NCOA1: variants seen among roughly 807,000 people sequenced by gnomAD.
NCOA1 encodes Hin-2 protein.
Under a neutral mutation model 150.9 loss-of-function variants are expected in NCOA1, and 35 were observed. The ratio of observed to expected loss-of-function variants is 0.23; its 90% CI spans 0.18 to 0.31. The LOEUF (loss-of-function observed/expected upper bound fraction) is 0.31, where lower values mean the gene tolerates loss of function less well. NCOA1 is among the 10% of genes least tolerant of loss of function. NCOA1 has a pLI of 1.00. For synonymous variants in NCOA1, 590 were observed against 630.0 expected, an observed-to-expected ratio of 0.94 and a Z score of 0.95; for missense variants, 1,491 against 1,749.3, an observed-to-expected ratio of 0.85 and a Z score of 2.63.
intron 1 of NCOA1, among the ~76,000 whole-genome samples, chr2:24,512,746 C>A (rs1402934696): frequency 6.6e-6 from 1 of 152,180 alleles, no homozygotes; most frequent in East Asian, 1.9e-4. Flanking sequence ...TGAAACCCCT[C>A]TCTAACAAGA....
chr2:24,492,248 T>A (rs1041605313), intron 1 of NCOA1: 13 of 152,152 alleles, frequency 8.5e-5, no homozygotes, highest in African/African-American at 3.1e-4. Flanking sequence ...GTCCCCTTCC[T>A]GGGATTCAGC....
At chr2:24,689,565 T>A (rs1037369055) in intron 8 of NCOA1, among the ~76,000 whole-genome samples, 1 of 152,102 alleles carries the variant, frequency 6.6e-6, no homozygotes, top group Non-Finnish European at 1.5e-5. Flanking sequence ...GCTAATTTTC[T>A]GTAATTTTAG....
At chr2:24,530,515 A>G (rs1177924366) in intron 1 of NCOA1, among the ~76,000 whole-genome samples, 4 of 152,134 alleles carry the variant, frequency 2.6e-5, no homozygotes, top group Non-Finnish European at 5.9e-5. Context: ...TTTTCTGCCG[A>G]GGACAAGTAT....
chr2:24,583,640 C>G (rs1192389495), intron 2 of NCOA1, among the ~76,000 whole-genome samples: 2 of 152,018 alleles, frequency 1.3e-5, no homozygotes, highest in African/African-American at 4.8e-5. Flanking sequence ...CGGAATCAAC[C>G]TAAATATCTA....
At chr2:24,747,546 CT>C (rs563708454) in intron 19 of NCOA1, among the ~76,000 whole-genome samples, 117 of 152,008 alleles carry the variant, frequency 7.7e-4, no homozygotes, top group African/African-American at 2.7e-3. Flanking sequence ...CCAGGCTGGT[CT>C]CAAACTCCTG....
chr2:24,686,778 C>G (rs183907431), intron 8 of NCOA1, among the ~76,000 whole-genome samples: 97 of 152,186 alleles, frequency 6.4e-4, no homozygotes, highest in Non-Finnish European at 1.5e-4. Context: ...CTAGAAAGAT[C>G]ACCTAAAATA....
intron 1 of NCOA1, among the ~76,000 whole-genome samples, chr2:24,511,971 T>G (rs1193252315): frequency 6.6e-6 from 1 of 152,228 alleles, no homozygotes; most frequent in East Asian, 1.9e-4. Flanking sequence ...CACTTTCAGT[T>G]TCCACCTTGC....
intron 2 of NCOA1, among the ~76,000 whole-genome samples, chr2:24,569,551 A>ATTT (rs1475942672): frequency 1.3e-5 from 1 of 75,700 alleles, no homozygotes; most frequent in Admixed American, 2.0e-4. Flanking sequence ...TGGTTTTATT[A>ATTT]ATTTTTTTTT....
At chr2:24,694,566 A>G (rs1406043469) in intron 10 of NCOA1, among the ~76,000 whole-genome samples, 2 of 152,142 alleles carry the variant, frequency 1.3e-5, no homozygotes, top group African/African-American at 2.4e-5. Flanking sequence ...TAAACTTCCA[A>G]CTGCTCTTAC....
Position 24,678,261 on chromosome 2 carries a change from A to G in NCOA1, c.355-4690A>G, listed in dbSNP as rs996060211. Among the ~76,000 whole-genome samples, 3 of 152,164 alleles carry G rather than the reference A, an allele frequency of 2.0e-5. No homozygotes were observed. In the East Asian group the frequency reaches 5.8e-4, roughly 29 times the overall value. Reference sequence around the variant, plus strand: ...ACATAGTATTCCATGGTGTATATGTACCACATTTTCTTTATCCAGTCTATC... The same window carrying G: ...ACATAGTATTCCATGGTGTATATGTGCCACATTTTCTTTATCCAGTCTATC... On this transcript the variant is annotated intron_variant, in intron 7 of 22. Transcript: ENST00000348332.
At chr2:24,578,961 A>G (rs998360748) in intron 2 of NCOA1, among the ~76,000 whole-genome samples, 20 of 152,324 alleles carry the variant, frequency 1.3e-4, no homozygotes, top group Non-Finnish European at 2.8e-4. Context: ...CACTGTGACA[A>G]CTGGGACTGT....
intron 4 of NCOA1, among the ~76,000 whole-genome samples, chr2:24,648,974 G>C (rs959344797): frequency 4.6e-5 from 7 of 152,062 alleles, no homozygotes; most frequent in Admixed American, 3.9e-4. Flanking sequence ...ATCTAATGCA[G>C]ATCTTCATTT....
At chr2:24,620,973 A>C (rs1422032476) in intron 3 of NCOA1, among the ~76,000 whole-genome samples, 1 of 152,220 alleles carries the variant, frequency 6.6e-6, no homozygotes, top group Admixed American at 6.5e-5. Context: ...AGATAATAAC[A>C]GGATATTTGA....
chr2:24,512,474 A>C (rs1271097068), intron 1 of NCOA1, among the ~76,000 whole-genome samples: 1 of 152,196 alleles, frequency 6.6e-6, no homozygotes, highest in Non-Finnish European at 1.5e-5. Context: ...AATTCAGTTC[A>C]GTTTTTAAAA....
intron 3 of NCOA1, among the ~76,000 whole-genome samples, chr2:24,626,346 T>TA (rs1669408259): frequency 6.6e-6 from 1 of 152,210 alleles, no homozygotes; most frequent in African/African-American, 2.4e-5. Flanking sequence ...GGATAGGAGT[T>TA]AGACGTGCTG....
chr2:24,708,055 G>C (rs542298653), intron 13 of NCOA1, among the ~76,000 whole-genome samples, 167 bp downstream of exon 13: 3 of 152,224 alleles, frequency 2.0e-5, no homozygotes, highest in South Asian at 2.1e-4. Context: ...GCCCTCAGAA[G>C]TTTTCTTTAG....
intron 1 of NCOA1, among the ~76,000 whole-genome samples, chr2:24,549,156 C>T (rs949463917): frequency 1.3e-5 from 2 of 152,180 alleles, no homozygotes; most frequent in African/African-American, 4.8e-5. Context: ...GTTCCCAAAC[C>T]CCAGTTCTTG....
chr2:24,739,862 G>A (rs559595492), intron 18 of NCOA1, among the ~76,000 whole-genome samples: 2 of 152,186 alleles, frequency 1.3e-5, no homozygotes, highest in Admixed American at 6.5e-5. Context: ...AACGGTACCC[G>A]AAACCTGATC....
chr2:24,691,144 T>G (rs1672650832), intron 8 of NCOA1, among the ~76,000 whole-genome samples: 1 of 152,222 alleles, frequency 6.6e-6, no homozygotes, highest in Non-Finnish European at 1.5e-5. Flanking sequence ...AAAGTATAAC[T>G]GGAAACCAAC....
Sources: allele counts gnomAD v4.1 joint callset (sites outside exome capture counted in the v4.1 genomes callset), GRCh38; gene constraint gnomAD v4.1.1; transcripts MANE v1.5; gene names NCBI Gene and HGNC (gene_info 2026-07-23, HGNC 2026-07-21).